PFKFB2: variants seen among roughly 807,000 people sequenced by gnomAD.
PFKFB2 encodes 6-phosphofructo-2-kinase/fructose-2,6-biphosphatase 2, also known as 6-phosphofructo-2-kinase/fructose-2,6-bisphosphatase 2.
PFKFB2 carries 53 observed loss-of-function variants against 68.0 expected under a neutral mutation model. The observed-to-expected ratio is 0.78, with a 90% CI of 0.63 to 0.98. The LOEUF (loss-of-function observed/expected upper bound fraction) is 0.98, where lower values mean the gene tolerates loss of function less well. PFKFB2 is among the 50% of genes least tolerant of loss of function. The pLI is 0.00. For synonymous variants in PFKFB2, 222 were observed against 227.6 expected (o/e 0.98, Z 0.22); for missense variants, 451 against 642.0 (o/e 0.70, Z 3.22).
upstream of PFKFB2, chr1:207,052,424 G>A: frequency 2.0e-6 from 1 of 510,696 alleles, no homozygotes; most frequent in South Asian, 2.3e-5. Flanking sequence ...CACTTTGGGA[G>A]GCCGAGGCGG....
At chr1:207,064,973 T>G in intron 7 of PFKFB2, 63 bp from the exon 8 acceptor site, 1 of 1,543,794 alleles carries the variant, frequency 6.5e-7, no homozygotes, top group Non-Finnish European at 8.8e-7. Context: ...GCAGTGGCTA[T>G]TTGTAGGAGG....
chr1:207,063,348 T>A lies in PFKFB2; in HGVS notation c.377T>A (p.Val126Glu). The A allele has an allele frequency of 6.2e-7, 1 of 1,612,556 alleles. No individual in the cohort carries two copies. Among genetic ancestry groups the A allele is most frequent in the Non-Finnish European group, 8.5e-7 (1 of 1,178,592 alleles). The change falls in exon 6 of 15, where the codon GTG becomes GAG. Residue 126 changes from valine to glutamate, a missense_variant and splice_region_variant. Val to Glu is a moderately radical substitution (Grantham distance 121). Coordinates refer to ENST00000367080, the MANE Select transcript of PFKFB2 (RefSeq NM_006212.2). This position sits in a 1 kb window ranked among gnomAD's most constrained non-coding sequence, Gnocchi z 4.1. The part of the protein sequence containing the change: ...YLTEENGQIA[V>E]FDATNTTRER... ...TTACCTTGTGTACTTTCTTCACAGG[T>A]GTTTGATGCCACCAATACAACCCGG...
intron 14 of PFKFB2, 51 bp from the exon 15 acceptor site, chr1:207,072,153 G>A (rs1479921028): frequency 1.3e-6 from 2 of 1,598,666 alleles, no homozygotes; most frequent in South Asian, 1.1e-5. Context: ...CTGTATGAGT[G>A]AGCTTTTGGC....
chr1:207,074,383 T>C lies in PFKFB2; in HGVS notation c.*2012T>C. The C allele has an allele frequency of 1.0e-6, 1 of 985,444 alleles. No individual in the cohort carries two copies. Among genetic ancestry groups the C allele is most frequent in the Non-Finnish European group, 1.2e-6 (1 of 829,918 alleles). The allele number at this position is 985,444 out of a possible 1,614,324, so 61.0% of individuals were successfully genotyped here. A position where few individuals can be genotyped will look rare whatever the true frequency, so the allele number is the denominator to read the frequency against. ...GGTTCTAGTCCCATCTTTAACCCTT[T>C]ACATTGCTGAGTGATGTGGAACAAA... On this transcript the variant is annotated 3_prime_UTR_variant, in exon 15 of 15. Transcript: ENST00000367080.
In PFKFB2 at chr1:207,063,179, G is replaced by A. The variant is rs2629639; in HGVS notation, c.345G>A (p.Ala115=). ...TGGTGGCGCTGGAAGATGTTAAGGC[G>A]TATCTCACTGAGGAGAATGGTCAGA... ...CALVALEDVK[A]YLTEENGQIA... The change falls in exon 5 of 15, where the codon GCG becomes GCA. Residue 115 remains alanine, a synonymous_variant. Transcript: ENST00000367080. This position sits in a 1 kb window ranked among gnomAD's most constrained non-coding sequence, Gnocchi z 4.1. The A allele has an allele frequency of 0.015, 24,860 of 1,613,780 alleles. 2,899 individuals are homozygous for A. In the African/African-American group the frequency reaches 0.27, roughly 17 times the overall value.
At chr1:207,050,978 A>G (rs1376041975), upstream of PFKFB2, 2 of 1,539,450 alleles carry the variant, frequency 1.3e-6, no homozygotes, top group African/African-American at 2.7e-5. Context: ...GCCGCCGGGG[A>G]AACCAGGCGC....
At chr1:207,040,504 C>G (rs995412502) in intron 1 of PFKFB2, among the ~76,000 whole-genome samples, 8 of 151,660 alleles carry the variant, frequency 5.3e-5, no homozygotes, top group African/African-American at 1.5e-4. Context: ...GCTATTCATT[C>G]TTTGAGAGCT....
chr1:207,065,542 G>A (rs1403380686), intron 8 of PFKFB2, among the ~76,000 whole-genome samples: 18 of 151,144 alleles, frequency 1.2e-4, no homozygotes, highest in Admixed American at 1.2e-3. Context: ...AGTAAAGATA[G>A]AGTTTCCCCA....
intron 1 of PFKFB2, chr1:207,034,931 T>G (rs1682348507): frequency 6.5e-6 from 1 of 154,694 alleles, no homozygotes; most frequent in Non-Finnish European, 1.4e-5. Flanking sequence ...TTTGCTTTGT[T>G]TTATTTTTGC....
chr1:207,037,240 T>G (rs931553121), intron 1 of PFKFB2, among the ~76,000 whole-genome samples: 1 of 152,208 alleles, frequency 6.6e-6, no homozygotes, highest in Non-Finnish European at 1.5e-5. Flanking sequence ...CTTTCAGTTT[T>G]TTTAAAAAAC....
At chr1:207,060,602 G>C (rs1683056812) in intron 2 of PFKFB2, among the ~76,000 whole-genome samples, 1 of 152,314 alleles carries the variant, frequency 6.6e-6, no homozygotes, top group African/African-American at 2.4e-5. Context: ...GCTTTTTGCA[G>C]TGGGCAAGCT....
rs751746662 is a variant in PFKFB2, at chr1:207,063,746, T to G, written c.451-27T>G. 72 of 1,605,888 alleles carry G rather than the reference T, an allele frequency of 4.5e-5. No homozygotes were observed. The highest frequency in any genetic ancestry group is 5.7e-5 in the Non-Finnish European group (67 of 1,172,544). ...TAACAGCCTGGCATTTTTGACTTGC[T>G]TATCACTGCCTTCTCTCCATGGCCA... is the stretch of plus-strand genomic sequence containing the variant. On this transcript the variant is annotated intron_variant, in intron 6 of 14. Transcript: ENST00000367080. The surrounding 1 kb of genome is among the most constrained non-coding windows in gnomAD (Gnocchi z 4.1).
chr1:207,041,848 AAC>A (rs541502664), intron 1 of PFKFB2, among the ~76,000 whole-genome samples: 5 of 152,202 alleles, frequency 3.3e-5, no homozygotes, highest in African/African-American at 9.7e-5. Context: ...CACTCCCACC[AAC>A]AGTGTAACAC....
chr1:207,051,041 T>A, upstream of PFKFB2: 2 of 1,491,170 alleles, frequency 1.3e-6, no homozygotes, highest in Middle Eastern at 1.9e-4. Flanking sequence ...CGCGAGAAGT[T>A]GCGGGTGGTT....
chr1:207,041,173 C>CT (rs1236845226), intron 1 of PFKFB2, among the ~76,000 whole-genome samples: 1 of 151,914 alleles, frequency 6.6e-6, no homozygotes, highest in African/African-American at 2.4e-5. Context: ...GTGATCTGCC[C>CT]TGCCTCGGCC....
chr1:207,061,175 ATATATATATATAT>A (rs1683101058), intron 2 of PFKFB2, among the ~76,000 whole-genome samples: 1 of 43,908 alleles, frequency 2.3e-5, no homozygotes, highest in Non-Finnish European at 5.4e-5. Context: ...TTATATATAT[ATATATATATATAT>A]ATATATATAT....
upstream of PFKFB2, among the ~76,000 whole-genome samples, chr1:207,051,961 T>TA (rs1682763300): frequency 6.6e-6 from 1 of 152,228 alleles, no homozygotes; most frequent in Non-Finnish European, 1.5e-5. Flanking sequence ...AAAGAGGAGA[T>TA]AACTGTTTGA....
chr1:207,075,213 T>C lies in PFKFB2; in HGVS notation c.*2842T>C, dbSNP rs537635254. On this transcript the variant is annotated 3_prime_UTR_variant, in exon 15 of 15. Coordinates refer to ENST00000367080, the MANE Select transcript of PFKFB2 (RefSeq NM_006212.2). ...TAGAGACAGGTCACTGGGATGTTCA[T>C]TCTGGCTCTCAGCCTGCTGTTATTT... The C allele has an allele frequency of 7.8e-5, 77 of 985,500 alleles. 1 individual carries two copies. In the South Asian group the frequency reaches 3.2e-3, roughly 41 times the overall value. The allele number at this position is 985,500 out of a possible 1,614,324, so 61.0% of individuals were successfully genotyped here. A position where few individuals can be genotyped will look rare whatever the true frequency, so the allele number is the denominator to read the frequency against.
chr1:207,042,549 CAAAAAAAA>C lies in PFKFB2; in HGVS notation c.-18+362_-18+369del, dbSNP rs57077682. Among the ~76,000 whole-genome samples, 429 of 44,660 alleles carry C rather than the reference CAAAAAAAA, an allele frequency of 9.6e-3. 3 individuals are homozygous for C. Among genetic ancestry groups the C allele is most frequent in the Middle Eastern group, 0.016 (1 of 62 alleles). The allele number at this position is 44,660 out of a possible 152,430, so 29.3% of individuals were successfully genotyped here. ...GGCGACACAGCAACACTCTGTCTCA[CAAAAAAAA>C]AAAAAAAAAAAAAAAAAAAAAAAAG... is the stretch of plus-strand genomic sequence containing the variant. On this transcript the variant is annotated intron_variant, in intron 2 of 5. Transcript: ENST00000545806.
Sources: gnomAD v4.1 joint callset for allele counts (sites outside exome capture counted in the v4.1 genomes callset) on GRCh38, gnomAD v4.1.1 for gene constraint, Gnocchi (gnomAD v3.1) non-coding constraint, MANE v1.5 for transcripts, NCBI Gene and HGNC (gene_info 2026-07-23, HGNC 2026-07-21) for gene names.